The following SIL1 variants were observed in gnomAD, a reference collection of about 807,000 sequenced individuals.
SIL1 encodes the protein nucleotide exchange factor SIL1.
In SIL1, 40 loss-of-function variants were observed where a neutral mutation model predicts 49.1. That is an observed-to-expected ratio of 0.81 (90% CI 0.63 to 1.06). The LOEUF (loss-of-function observed/expected upper bound fraction) is 1.06. SIL1 is among the 50% of genes least tolerant of loss of function. The pLI, the probability that SIL1 is intolerant of heterozygous loss-of-function variation, is 0.00. For missense variants in SIL1, 500 were observed against 572.6 expected (o/e 0.87, Z 1.29); for synonymous variants, 253 against 250.8 (o/e 1.01, Z -0.08).
chr5:139,104,936 GAGA>G (rs1770667513), intron 3 of SIL1, among the ~76,000 whole-genome samples: 1 of 152,140 alleles, frequency 6.6e-6, no homozygotes, highest in Non-Finnish European at 1.5e-5. Flanking sequence ...GCCAATCCTA[GAGA>G]AGAAGGAAGG....
intron 3 of SIL1, among the ~76,000 whole-genome samples, chr5:139,115,239 G>A (rs1403122452): frequency 6.6e-6 from 1 of 152,094 alleles, no homozygotes; most frequent in Admixed American, 6.5e-5. Context: ...TTGCAACTGT[G>A]GTATAATAAA....
intron 1 of SIL1, among the ~76,000 whole-genome samples, chr5:139,187,033 C>G (rs112135024): frequency 0.027 from 4,063 of 152,284 alleles, 83 homozygotes; most frequent in Non-Finnish European, 0.04. Context: ...TTATGGTATC[C>G]ATATTACACT....
At chr5:139,190,572 G>C (rs1473312330) in intron 1 of SIL1, among the ~76,000 whole-genome samples, 1 of 152,144 alleles carries the variant, frequency 6.6e-6, no homozygotes, top group Non-Finnish European at 1.5e-5. Context: ...CTGTGTCCCA[G>C]CTCTAACACT....
intron 7 of SIL1, among the ~76,000 whole-genome samples, chr5:139,011,331 T>G (rs1356831457): frequency 1.3e-5 from 2 of 152,208 alleles, no homozygotes; most frequent in African/African-American, 4.8e-5. Flanking sequence ...TCCCGCACCG[T>G]GCGCGCACCC....
intron 1 of SIL1, among the ~76,000 whole-genome samples, chr5:139,163,368 T>C (rs1234607621): frequency 6.6e-6 from 1 of 152,100 alleles, no homozygotes; most frequent in Admixed American, 6.5e-5. Context: ...TTTGTTTTTT[T>C]TTCGGTTTTT....
In SIL1 at chr5:138,951,233, TC is replaced by T; in HGVS notation, c.966del (p.Lys323ArgfsTer30). 1 of 1,605,490 alleles carries T rather than the reference TC, an allele frequency of 6.2e-7. No homozygotes were observed. The highest frequency in any genetic ancestry group is 8.5e-7 in the Non-Finnish European group (1 of 1,175,968). On this transcript the variant is annotated frameshift_variant, in exon 9 of 10. Coordinates refer to ENST00000394817, the MANE Select transcript of SIL1 (RefSeq NM_022464.5). LOFTEE classifies it high-confidence loss of function. ...CGCACGGCGAGCACCTCCGTGCCCT[TC>T]TCCTGCACCAGGGTCCTCAGGACCT... is the stretch of plus-strand genomic sequence containing the variant. ...GLQVLRTLVQ[E>X]KGTEVLAVRV...
rs1766687951 is a variant in SIL1 at position 138,948,534 on chromosome 5, C to A, written c.1030-1061G>T. Among the ~76,000 whole-genome samples, 1 of 152,176 alleles carries A rather than the reference C, an allele frequency of 6.6e-6. No individual in the cohort carries two copies. The highest frequency in any genetic ancestry group is 2.1e-4 in the South Asian group (1 of 4,824). On this transcript the variant is annotated intron_variant, in intron 9 of 9. Transcript: ENST00000394817. This position sits in a 1 kb window ranked among gnomAD's most constrained non-coding sequence, Gnocchi z 4.8. ...ACTGCGAGGCTCTGCAGGCTCTGCCCCCACTGTGCGCGGCCTGGACCCACT... is the reference window on the plus strand; with the variant it reads ...ACTGCGAGGCTCTGCAGGCTCTGCCACCACTGTGCGCGGCCTGGACCCACT...
At chr5:139,179,268 C>G (rs1260536256) in intron 1 of SIL1, among the ~76,000 whole-genome samples, 2 of 152,188 alleles carry the variant, frequency 1.3e-5, no homozygotes, top group East Asian at 3.8e-4. Context: ...ACAGTGCCCC[C>G]CGAGTGACCC....
intron 7 of SIL1, among the ~76,000 whole-genome samples, chr5:138,956,232 CTCAA>C (rs2150381194): frequency 6.6e-6 from 1 of 152,334 alleles, no homozygotes; most frequent in South Asian, 2.1e-4. Flanking sequence ...TGGGGCCAGG[CTCAA>C]TCATTCACCT....
intron 5 of SIL1, among the ~76,000 whole-genome samples, chr5:139,040,493 T>TTTTTC (rs1198866898): frequency 1.2e-4 from 13 of 106,952 alleles, no homozygotes; most frequent in African/African-American, 5.0e-4. Context: ...TCTTTTTTCT[T>TTTTTC]TTTTCTTTTT....
Position 138,951,354 on chromosome 5 carries a change from G to T in SIL1, c.865-19C>A. ...ACAGGACCTGGGGGCACAGACCCAG[G>T]GGTAGGTGAGGGGCCAAGCGAGCTG... is the stretch of plus-strand genomic sequence containing the variant. On this transcript the variant is annotated intron_variant, in intron 8 of 9. Transcript: ENST00000394817. The T allele has an allele frequency of 6.4e-7, 1 of 1,551,286 alleles. No homozygotes were observed. Among genetic ancestry groups the T allele is most frequent in the South Asian group, 1.2e-5 (1 of 84,006 alleles).
intron 3 of SIL1, among the ~76,000 whole-genome samples, chr5:139,066,841 G>C (rs1382563017): frequency 6.6e-6 from 1 of 152,098 alleles, no homozygotes; most frequent in Non-Finnish European, 1.5e-5. Context: ...TGGTACCTGG[G>C]ACTACAAGCA....
In SIL1 at chr5:139,036,793, A is replaced by G. The variant is rs143240580; in HGVS notation, c.453+5827T>C. On this transcript the variant is annotated intron_variant, in intron 5 of 9. Transcript: ENST00000394817. ...GAAATAATCTATACAACAAACCCCT[A>G]TGACACAAGTTTATCTATATAACAA... Among the ~76,000 whole-genome samples the G allele has an allele frequency of 1.3e-4, 20 of 152,302 alleles. No individual in the cohort carries two copies. The East Asian group carries it at 2.9e-3, about 22-fold the overall frequency.
chr5:139,057,628 A>G (rs905465518), intron 3 of SIL1, among the ~76,000 whole-genome samples: 1 of 152,170 alleles, frequency 6.6e-6, no homozygotes, highest in African/African-American at 2.4e-5. Flanking sequence ...GCTGGGGAAG[A>G]AACACCCCCT....
intron 3 of SIL1, among the ~76,000 whole-genome samples, chr5:139,114,180 G>A (rs545636208): frequency 1.7e-4 from 26 of 152,308 alleles, no homozygotes; most frequent in East Asian, 1.2e-3. Flanking sequence ...TCAGCCAGCC[G>A]GCTGCAAAGT....
At chr5:138,999,396 T>C (rs1273106386) in intron 7 of SIL1, among the ~76,000 whole-genome samples, 1 of 152,206 alleles carries the variant, frequency 6.6e-6, no homozygotes, top group African/African-American at 2.4e-5. Context: ...GCCAAGCCTG[T>C]AATCTCAAAG....
intron 1 of SIL1, among the ~76,000 whole-genome samples, chr5:139,176,927 C>CTTTTTTTT (rs70982757): frequency 6.3e-5 from 6 of 95,786 alleles, no homozygotes; most frequent in East Asian, 3.4e-4. Flanking sequence ...AGCTGAGATT[C>CTTTTTTTT]TTTTTTTTTT....
intron 1 of SIL1, among the ~76,000 whole-genome samples, chr5:139,145,998 G>A (rs904794591): frequency 7.9e-5 from 12 of 152,004 alleles, no homozygotes; most frequent in Non-Finnish European, 1.5e-4. Context: ...GTATGTATAT[G>A]TATATGAGAT....
At position 139,073,121 on chromosome 5, in the gene SIL1, T is replaced by C. The variant is rs1277133953; in HGVS notation, c.245-22075A>G. Among the ~76,000 whole-genome samples the C allele has an allele frequency of 1.3e-5, 2 of 152,204 alleles. 1 individual carries two copies. The highest frequency in any genetic ancestry group is 4.8e-5 in the African/African-American group (2 of 41,462). The stretch of plus-strand genomic sequence containing the variant: ...CTGCTGATGGGAATGTGAATTAGAA[T>C]AGTCATTATGAAAAATAGTATGGAG... On this transcript the variant is annotated intron_variant, in intron 3 of 9. Transcript: ENST00000394817.
Sources: gnomAD v4.1 joint callset for allele counts (sites outside exome capture counted in the v4.1 genomes callset) on GRCh38, gnomAD v4.1.1 for gene constraint, Gnocchi (gnomAD v3.1) non-coding constraint, MANE v1.5 for transcripts, NCBI Gene and HGNC (gene_info 2026-07-23, HGNC 2026-07-21) for gene names.